Variants in VPS37A observed in about 807,000 individuals in gnomAD.
VPS37A encodes the protein VPS37A subunit of ESCRT-I.
In VPS37A, 30 loss-of-function variants were observed where a neutral mutation model predicts 49.8. The observed-to-expected ratio is 0.60, with a 90% CI of 0.45 to 0.82. The LOEUF (loss-of-function observed/expected upper bound fraction) is 0.82. Among genes scored for constraint, VPS37A ranks in the 40% least tolerant of loss-of-function variants. The pLI is 0.00. For synonymous variants in VPS37A, 195 were observed against 160.6 expected, an observed-to-expected ratio of 1.21 and a Z score of -1.62; for missense variants, 593 against 464.4, an observed-to-expected ratio of 1.28 and a Z score of -2.55.
At chr8:17,330,922 C>T in the VPS37A span, among the ~76,000 whole-genome samples, 18 of 152,258 alleles carry the variant, frequency 1.2e-4, no homozygotes, top group Non-Finnish European at 1.8e-4. Flanking sequence ...ATGTTCAGTA[C>T]CATTGTAGAG....
At chr8:17,284,427 C>A in intron 9 of VPS37A, 46 bp from the exon 10 acceptor site, 1 of 1,537,038 alleles carries the variant, frequency 6.5e-7, no homozygotes, top group Non-Finnish European at 8.7e-7. Flanking sequence ...GTGAGGAGTT[C>A]TTGTGAGTAT....
At chr8:17,305,379 T>G (rs1817383140), downstream of VPS37A, among the ~76,000 whole-genome samples, 1 of 152,214 alleles carries the variant, frequency 6.6e-6, no homozygotes, top group African/African-American at 2.4e-5. Flanking sequence ...AATTCTGGCT[T>G]TTATATTTGC....
At chr8:17,328,272 G>C in the VPS37A span, among the ~76,000 whole-genome samples, 1 of 152,130 alleles carries the variant, frequency 6.6e-6, no homozygotes, top group Non-Finnish European at 1.5e-5. Flanking sequence ...GTGGAGAGAT[G>C]CAAGTAACTC....
Position 17,286,955 on chromosome 8 carries a change from G to C in VPS37A, c.*528G>C, listed in dbSNP as rs79454309. ...CTCCAGAACCTGTAATTAATCGCTA[G>C]TAATGACAGTATCCATGCCAAATTC... On this transcript the variant is annotated intron_variant, in intron 11 of 11. Transcript: ENST00000324849. 1.7e-4 allele frequency among the ~76,000 whole-genome samples: 26 copies of C among 152,266 alleles called. 1 individual carries two copies. In the East Asian group the frequency reaches 5.0e-3, roughly 29 times the overall value.
intron 1 of VPS37A, among the ~76,000 whole-genome samples, chr8:17,257,913 G>T (rs994648313): frequency 6.6e-6 from 1 of 152,002 alleles, no homozygotes; most frequent in Non-Finnish European, 1.5e-5. Context: ...TTGTAACTAG[G>T]ATTACTTTTT....
At chr8:17,275,496 A>G (rs1310390054) in intron 5 of VPS37A, among the ~76,000 whole-genome samples, 2 of 152,160 alleles carry the variant, frequency 1.3e-5, no homozygotes, top group East Asian at 3.9e-4. Context: ...CCTATAGTAG[A>G]TCTCTCTGGC....
chr8:17,268,434 T>C, intron 3 of VPS37A, 62 bp downstream of exon 3: 2 of 1,259,208 alleles, frequency 1.6e-6, no homozygotes, highest in Non-Finnish European at 2.2e-6. Context: ...TTCTACTAAA[T>C]ATTTTAGAAA....
downstream of VPS37A, chr8:17,301,639 T>A (rs74584163): frequency 6.1e-3 from 932 of 154,036 alleles, 45 homozygotes; most frequent in East Asian, 0.12. Context: ...ATTAGTACCA[T>A]TGGAAACAAA....
chr8:17,271,166 C>T (rs1813949667), intron 4 of VPS37A, among the ~76,000 whole-genome samples: 1 of 152,106 alleles, frequency 6.6e-6, no homozygotes, highest in Admixed American at 6.5e-5. Flanking sequence ...GTCATAATTC[C>T]TTTCTGTAAA....
chr8:17,324,410 T>G, the VPS37A span, among the ~76,000 whole-genome samples: 3 of 152,202 alleles, frequency 2.0e-5, no homozygotes, highest in African/African-American at 7.2e-5. Flanking sequence ...TCAAGAGGTT[T>G]CCCAGGCCAT....
intron 1 of VPS37A, among the ~76,000 whole-genome samples, chr8:17,252,471 C>T (rs1270483465): frequency 6.6e-6 from 1 of 152,158 alleles, no homozygotes; most frequent in Non-Finnish European, 1.5e-5. Context: ...AGCTGCCACA[C>T]CCAGCCCAAT....
chr8:17,284,406 T>A, intron 9 of VPS37A, 67 bp from the exon 10 acceptor site: 1 of 1,501,484 alleles, frequency 6.7e-7, no homozygotes, highest in Non-Finnish European at 8.8e-7. Context: ...ACTACCTTAC[T>A]TCCTTTCCCT....
chr8:17,312,574 CAAAAAAAAAAA>C, the VPS37A span, among the ~76,000 whole-genome samples: 15 of 87,252 alleles, frequency 1.7e-4, no homozygotes, highest in African/African-American at 2.8e-4. Context: ...GACTCCCTCT[CAAAAAAAAAAA>C]AAAAAAAAAA....
At chr8:17,276,047 A>G (rs1410443503) in intron 5 of VPS37A, among the ~76,000 whole-genome samples, 2 of 152,150 alleles carry the variant, frequency 1.3e-5, no homozygotes, top group Non-Finnish European at 2.9e-5. Flanking sequence ...CTGTTGATAA[A>G]TTATTGCTTT....
At chr8:17,266,061 C>A in intron 2 of VPS37A, 80 bp downstream of exon 2, 1 of 1,257,470 alleles carries the variant, frequency 8.0e-7, no homozygotes. Flanking sequence ...TAGAAATAAA[C>A]TTTTAAGGTG....
Position 17,280,222 on chromosome 8 carries a change from A to G in VPS37A, c.842-17A>G. Reference sequence around the variant, plus strand: ...TCTCATCTTTACCTAGAAGTAAACTAGAGATTTATCTTACAGGAAAAAATC... The same window carrying G: ...TCTCATCTTTACCTAGAAGTAAACTGGAGATTTATCTTACAGGAAAAAATC... On this transcript the variant is annotated splice_polypyrimidine_tract_variant and intron_variant, in intron 7 of 11. Transcript: ENST00000324849. 6.2e-7 allele frequency: 1 copy of G among 1,612,330 alleles called. No individual in the cohort carries two copies. Among genetic ancestry groups the G allele is most frequent in the Non-Finnish European group, 8.5e-7 (1 of 1,179,184 alleles).
the VPS37A span, among the ~76,000 whole-genome samples, chr8:17,322,651 C>T: frequency 6.6e-6 from 1 of 152,048 alleles, no homozygotes; most frequent in Non-Finnish European, 1.5e-5. Context: ...AAGACCCCAT[C>T]TCTACAAAAA....
At chr8:17,283,298 G>T (rs553152249) in intron 9 of VPS37A, among the ~76,000 whole-genome samples, 28 of 152,192 alleles carry the variant, frequency 1.8e-4, no homozygotes, top group African/African-American at 6.3e-4. Context: ...CAAGGCTACA[G>T]GTGCATGCCA....
At chr8:17,290,606 T>C (rs748209142) in intron 11 of VPS37A, among the ~76,000 whole-genome samples, 1 of 152,216 alleles carries the variant, frequency 6.6e-6, no homozygotes, top group Non-Finnish European at 1.5e-5. Context: ...ATTTTCGCAT[T>C]GATGTTCATC....
Sources: allele counts gnomAD v4.1 joint callset (sites outside exome capture counted in the v4.1 genomes callset), GRCh38; gene constraint gnomAD v4.1.1; transcripts MANE v1.5; gene names NCBI Gene and HGNC (gene_info 2026-07-23, HGNC 2026-07-21).